PLPP1: variants seen among roughly 807,000 people sequenced by gnomAD.
The protein encoded by PLPP1 is lipid phosphate phosphohydrolase 1a.
A neutral mutation model predicts 31.2 loss-of-function variants in PLPP1; 24 were observed. The observed-to-expected ratio is 0.77, with a 90% CI of 0.56 to 1.08. The LOEUF (loss-of-function observed/expected upper bound fraction) is 1.08, where lower values mean the gene tolerates loss of function less well. Among genes scored for constraint, PLPP1 ranks in the 50% least tolerant of loss-of-function variants. The pLI, the probability that PLPP1 is intolerant of heterozygous loss-of-function variation, is 0.00. For synonymous variants in PLPP1, 146 were observed against 126.3 expected, an observed-to-expected ratio of 1.16 and a Z score of -1.05; for missense variants, 319 against 342.7, an observed-to-expected ratio of 0.93 and a Z score of 0.55.
intron 4 of PLPP1, among the ~76,000 whole-genome samples, chr5:55,434,482 G>A (rs1293804872): frequency 6.6e-6 from 1 of 151,836 alleles, no homozygotes; most frequent in African/African-American, 2.4e-5. Context: ...AAGTAATCCT[G>A]AGCAAAATGA....
chr5:55,443,434 C>T (rs935894284), intron 3 of PLPP1, among the ~76,000 whole-genome samples: 5 of 151,748 alleles, frequency 3.3e-5, no homozygotes, highest in East Asian at 1.9e-4. Flanking sequence ...TGGATCAATA[C>T]GAATAGTAAT....
intron 1 of PLPP1, among the ~76,000 whole-genome samples, chr5:55,477,051 T>A (rs5867984): frequency 0.21 from 1,875 of 8,820 alleles, 16 homozygotes; most frequent in South Asian, 0.33. Flanking sequence ...AAAAAAAAAA[T>A]AATAAACTAG....
chr5:55,532,349 T>C (rs1017858894), intron 1 of PLPP1, among the ~76,000 whole-genome samples: 6 of 152,248 alleles, frequency 3.9e-5, no homozygotes, highest in Non-Finnish European at 7.3e-5. Flanking sequence ...AAAAAATTTA[T>C]GTTGTTTTAC....
intron 4 of PLPP1, among the ~76,000 whole-genome samples, chr5:55,439,271 G>A (rs1218435644): frequency 6.6e-6 from 1 of 152,144 alleles, no homozygotes; most frequent in African/African-American, 2.4e-5. Context: ...CTGAGTCTCA[G>A]CCAGTCCCTG....
chr5:55,513,640 C>T (rs13158517), intron 1 of PLPP1, among the ~76,000 whole-genome samples: 119,461 of 152,082 alleles, frequency 0.79, 47,856 homozygotes, highest in Middle Eastern at 0.88. Flanking sequence ...AATCAACTTC[C>T]GTAAAGGTTC....
At chr5:55,471,455 C>T (rs1752414085) in intron 2 of PLPP1, among the ~76,000 whole-genome samples, 5 of 152,094 alleles carry the variant, frequency 3.3e-5, no homozygotes, top group Admixed American at 3.3e-4. Context: ...CCGCCTTGGC[C>T]TCCCAAAGTG....
intron 1 of PLPP1, among the ~76,000 whole-genome samples, chr5:55,531,587 G>A (rs1415914487): frequency 2.4e-4 from 36 of 152,194 alleles, no homozygotes; most frequent in Non-Finnish European, 1.5e-5. Context: ...TGTTCTAACA[G>A]TCAATTCTTA....
At chr5:55,475,511 CAATA>C (rs1752518244) in intron 1 of PLPP1, 61 bp from the exon 2 acceptor site, 2 of 1,392,962 alleles carry the variant, frequency 1.4e-6, no homozygotes, top group Non-Finnish European at 1.9e-6. Context: ...TAATTAATGG[CAATA>C]ATTATCCCAC....
At chr5:55,445,711 A>G (rs1157339593) in intron 3 of PLPP1, among the ~76,000 whole-genome samples, 1 of 151,692 alleles carries the variant, frequency 6.6e-6, no homozygotes, top group African/African-American at 2.4e-5. Flanking sequence ...TGCCTGGCTA[A>G]TTTTTGTATT....
intron 1 of PLPP1, among the ~76,000 whole-genome samples, chr5:55,500,978 T>C (rs947320218): frequency 1.3e-5 from 2 of 152,206 alleles, no homozygotes; most frequent in African/African-American, 2.4e-5. Context: ...ATTAAGAAGA[T>C]TGAAACTAGA....
chr5:55,534,810 T>C lies in PLPP1; in HGVS notation c.-181A>G, dbSNP rs1740829171. 1 of 588,220 alleles carries C rather than the reference T, an allele frequency of 1.7e-6. No individual in the cohort carries two copies. 36.4% of individuals were successfully genotyped at this position (588,220 alleles called of 1,614,324 possible). On this transcript the variant is annotated 5_prime_UTR_variant, in exon 1 of 6. Coordinates refer to ENST00000307259, the MANE Select transcript of PLPP1 (RefSeq NM_003711.4). ...CGGGCGGCGCTCCCACCGCCAGCAA[T>C]GGCGCCCGGGGCCCTCCCCTCACAG...
At chr5:55,450,488 G>A (rs924154543) in intron 3 of PLPP1, among the ~76,000 whole-genome samples, 5 of 152,138 alleles carry the variant, frequency 3.3e-5, no homozygotes, top group African/African-American at 1.2e-4. Context: ...GCAGAACTCG[G>A]TATATCTTGA....
At chr5:55,521,355 A>AG (rs1198124889) in intron 1 of PLPP1, among the ~76,000 whole-genome samples, 8 of 148,286 alleles carry the variant, frequency 5.4e-5, no homozygotes, top group Non-Finnish European at 1.2e-4. Flanking sequence ...CTGTCTCAAA[A>AG]AAAAAAAAAA....
At chr5:55,502,994 C>CCT (rs1331483412) in intron 1 of PLPP1, among the ~76,000 whole-genome samples, 1 of 152,178 alleles carries the variant, frequency 6.6e-6, no homozygotes, top group East Asian at 1.9e-4. Context: ...TACCCTCCTA[C>CCT]CTCTCTCACC....
intron 1 of PLPP1, chr5:55,484,356 C>T (rs1052611119): frequency 1.3e-5 from 2 of 152,078 alleles, no homozygotes; most frequent in East Asian, 3.9e-4. Flanking sequence ...CGCTATTGCA[C>T]TAGGTGCAAT....
rs541767606 is a variant in PLPP1 at position 55,523,444 on chromosome 5, G to A, written c.58+11128C>T. ...TTCAAAAGTTATAATCCTCAAAAAT[G>A]CACTTCCCAATTCCTGACTATACCA... is the stretch of plus-strand genomic sequence containing the variant. On this transcript the variant is annotated intron_variant, in intron 1 of 5. Transcript: ENST00000307259. 9.2e-5 allele frequency among the ~76,000 whole-genome samples: 14 copies of A among 152,046 alleles called. 1 individual carries two copies. Among genetic ancestry groups the A allele is most frequent in the Middle Eastern group, 3.4e-3 (1 of 294 alleles).
chr5:55,425,238 C>A lies in PLPP1; in HGVS notation c.823G>T (p.Gly275Trp). 1 of 1,613,916 alleles carries A rather than the reference C, an allele frequency of 6.2e-7. No individual in the cohort carries two copies. Among genetic ancestry groups the A allele is most frequent in the Non-Finnish European group, 8.5e-7 (1 of 1,179,936 alleles). The change falls in exon 6 of 6, where the codon GGG becomes TGG. Residue 275 changes from glycine (G) to tryptophan (W), a missense_variant. By Grantham distance (184) the Gly-to-Trp change is radical. Transcript: ENST00000307259. ...TGGTGATTGCTCGGATAGTGATTCCCAGTTGTTGGTGTTTCATGCAGAGTT... is the reference window on the plus strand; with the variant it reads ...TGGTGATTGCTCGGATAGTGATTCCAAGTTGTTGGTGTTTCATGCAGAGTT... The part of the protein sequence containing the change: ...HTTLHETPTT[G>W]NHYPSNHQP
intron 3 of PLPP1, among the ~76,000 whole-genome samples, chr5:55,463,568 T>C (rs1030738781): frequency 4.0e-5 from 6 of 151,642 alleles, no homozygotes; most frequent in South Asian, 2.1e-4. Context: ...CGCTGAGGCA[T>C]GAGGTTGCAG....
At chr5:55,508,011 C>T (rs1272748093) in intron 1 of PLPP1, among the ~76,000 whole-genome samples, 1 of 152,136 alleles carries the variant, frequency 6.6e-6, no homozygotes, top group Admixed American at 6.5e-5. Flanking sequence ...GCATGTGCCA[C>T]CATGCCTGGC....
Sources: gnomAD v4.1 joint callset for allele counts (sites outside exome capture counted in the v4.1 genomes callset) on GRCh38, gnomAD v4.1.1 for gene constraint, MANE v1.5 for transcripts, NCBI Gene and HGNC (gene_info 2026-07-23, HGNC 2026-07-21) for gene names.